NEK11: variants seen among roughly 807,000 people sequenced by gnomAD.
The protein encoded by NEK11 is serine/threonine-protein kinase Nek11.
A neutral mutation model predicts 80.7 loss-of-function variants in NEK11; 72 were observed. The ratio of observed to expected loss-of-function variants is 0.89; its 90% CI spans 0.74 to 1.08. The LOEUF (loss-of-function observed/expected upper bound fraction) is 1.08, where lower values mean the gene tolerates loss of function less well. Ranked by LOEUF, NEK11 falls within the 50% of genes least tolerant of loss-of-function variation. The pLI is 0.00. For missense variants in NEK11, 764 were observed against 763.6 expected (o/e 1.00, Z -0.01); for synonymous variants, 251 against 260.7 (o/e 0.96, Z 0.36).
chr3:131,322,599 A>G (rs2096908651), intron 17 of NEK11, among the ~76,000 whole-genome samples: 1 of 152,208 alleles, frequency 6.6e-6, no homozygotes. Context: ...TAATGTGTAT[A>G]TGAAGAACTT....
intron 17 of NEK11, among the ~76,000 whole-genome samples, chr3:131,294,038 T>C (rs1033964842): frequency 6.6e-6 from 1 of 152,102 alleles, no homozygotes; most frequent in Non-Finnish European, 1.5e-5. Context: ...TTGGTCTTCT[T>C]GATTTTCTGT....
At chr3:131,271,325 C>A (rs1308815537) in intron 16 of NEK11, among the ~76,000 whole-genome samples, 2 of 152,166 alleles carry the variant, frequency 1.3e-5, no homozygotes, top group South Asian at 2.1e-4. Flanking sequence ...ATTTCCATAA[C>A]TAGGGATCTA....
intron 7 of NEK11, among the ~76,000 whole-genome samples, chr3:131,138,374 G>A (rs897309718): frequency 1.2e-4 from 18 of 152,148 alleles, no homozygotes; most frequent in Non-Finnish European, 1.6e-4. Flanking sequence ...TGTGACTTGA[G>A]TGCCAGCACA....
intron 15 of NEK11, among the ~76,000 whole-genome samples, chr3:131,233,903 A>G (rs2095382271): frequency 6.6e-6 from 1 of 152,238 alleles, no homozygotes; most frequent in South Asian, 2.1e-4. Flanking sequence ...ACAAGAGGAA[A>G]CTGAGGCATA....
At chr3:131,306,120 T>C (rs1322556972) in intron 17 of NEK11, among the ~76,000 whole-genome samples, 1 of 152,186 alleles carries the variant, frequency 6.6e-6, no homozygotes, top group Non-Finnish European at 1.5e-5. Flanking sequence ...ATGTTGCCCA[T>C]CTTTTTGTAC....
intron 16 of NEK11, among the ~76,000 whole-genome samples, chr3:131,267,380 C>T (rs976046080): frequency 2.6e-5 from 4 of 152,208 alleles, no homozygotes; most frequent in African/African-American, 9.7e-5. Flanking sequence ...GTAAGGCAGG[C>T]CAGGTGGCGA....
chr3:131,288,438 A>ATTTCTTTCTTTC (rs144767629), intron 17 of NEK11, among the ~76,000 whole-genome samples: 31,301 of 101,054 alleles, frequency 0.31, 6,949 homozygotes, highest in Middle Eastern at 0.47. Context: ...TATGGTATGC[A>ATTTCTTTCTTTC]TTTCTTTCTT....
At chr3:131,311,223 A>G (rs766612784) in intron 17 of NEK11, among the ~76,000 whole-genome samples, 11 of 152,328 alleles carry the variant, frequency 7.2e-5, no homozygotes, top group Middle Eastern at 3.4e-3. Context: ...TAGGATATCC[A>G]TGACCTAGAG....
At chr3:131,222,981 G>A (rs2095071715) in intron 14 of NEK11, among the ~76,000 whole-genome samples, 1 of 152,204 alleles carries the variant, frequency 6.6e-6, no homozygotes, top group African/African-American at 2.4e-5. Flanking sequence ...AAACATCTGT[G>A]TCCAAACTCG....
intron 3 of NEK11, among the ~76,000 whole-genome samples, chr3:131,068,563 T>TTACTCAACA (rs1217458338): frequency 1.3e-5 from 2 of 152,184 alleles, no homozygotes; most frequent in Non-Finnish European, 2.9e-5. Flanking sequence ...TTAGTGTCCC[T>TTACTCAACA]TACTCAACAT....
At chr3:131,313,623 G>A (rs1203710879) in intron 17 of NEK11, among the ~76,000 whole-genome samples, 1 of 152,054 alleles carries the variant, frequency 6.6e-6, no homozygotes, top group Admixed American at 6.6e-5. Flanking sequence ...ATCTTCTTCT[G>A]AAAAGTAAGA....
chr3:131,139,247 G>A (rs2086300379), intron 7 of NEK11, among the ~76,000 whole-genome samples: 1 of 151,240 alleles, frequency 6.6e-6, no homozygotes, highest in Non-Finnish European at 1.5e-5. Context: ...ACTGGAGAAT[G>A]CATCAGAGTC....
chr3:131,035,802 G>A (rs905488903), intron 3 of NEK11, among the ~76,000 whole-genome samples: 3 of 152,060 alleles, frequency 2.0e-5, no homozygotes, highest in East Asian at 1.9e-4. Context: ...GCAATTACTC[G>A]CTTAAACCAG....
intron 14 of NEK11, among the ~76,000 whole-genome samples, chr3:131,172,699 G>T (rs538490858): frequency 3.3e-5 from 5 of 152,306 alleles, no homozygotes; most frequent in Non-Finnish European, 5.9e-5. Flanking sequence ...GAACCAGAGC[G>T]ACTCCATCTT....
chr3:131,257,592 T>A (rs12632183), intron 16 of NEK11, among the ~76,000 whole-genome samples: 2,788 of 152,286 alleles, frequency 0.018, 40 homozygotes, highest in East Asian at 0.084. Context: ...TCATAGAAGC[T>A]AAGGAGTACA....
chr3:131,321,054 A>C lies in NEK11; in HGVS notation c.1719-28503A>C, dbSNP rs538188555. Among the ~76,000 whole-genome samples the C allele has an allele frequency of 2.0e-4, 31 of 152,322 alleles. No individual in the cohort carries two copies. In the South Asian group the frequency reaches 6.4e-3, roughly 32 times the overall value. ...AGCCCAAATAGCCAAAGCAATCCTAAGCAAAAAGAACAAAGCTGGAGGCAT... is the reference window on the plus strand; with the variant it reads ...AGCCCAAATAGCCAAAGCAATCCTACGCAAAAAGAACAAAGCTGGAGGCAT... On this transcript the variant is annotated intron_variant, in intron 17 of 17. Coordinates refer to ENST00000383366, the MANE Select transcript of NEK11 (RefSeq NM_024800.5).
At chr3:131,187,445 ACT>A (rs2093641949) in intron 14 of NEK11, among the ~76,000 whole-genome samples, 1 of 152,172 alleles carries the variant, frequency 6.6e-6, no homozygotes, top group Non-Finnish European at 1.5e-5. Flanking sequence ...TCAACTTAAA[ACT>A]CACAAAAGAT....
At chr3:131,186,236 A>C (rs2093594940) in intron 14 of NEK11, among the ~76,000 whole-genome samples, 1 of 152,224 alleles carries the variant, frequency 6.6e-6, no homozygotes, top group African/African-American at 2.4e-5. Context: ...AGAATAATTT[A>C]GAATACAGTA....
At chr3:131,041,104 T>G (rs1296077782) in intron 3 of NEK11, among the ~76,000 whole-genome samples, 1 of 152,194 alleles carries the variant, frequency 6.6e-6, no homozygotes, top group East Asian at 1.9e-4. Flanking sequence ...GCCAATCCAC[T>G]TTTTGCAATA....
Sources: gnomAD v4.1 joint callset for allele counts (sites outside exome capture counted in the v4.1 genomes callset) on GRCh38, gnomAD v4.1.1 for gene constraint, MANE v1.5 for transcripts, NCBI Gene and HGNC (gene_info 2026-07-23, HGNC 2026-07-21) for gene names.